Variants in LRRC4C observed in about 807,000 individuals in gnomAD.
LRRC4C encodes leucine-rich repeat-containing protein 4C.
LRRC4C carries 5 observed loss-of-function variants against 33.6 expected under a neutral mutation model. The ratio of observed to expected loss-of-function variants is 0.15; its 90% CI spans 0.08 to 0.31. LRRC4C has a LOEUF of 0.31. Among genes scored for constraint, LRRC4C ranks in the 10% least tolerant of loss-of-function variants. The pLI is 1.00. For synonymous variants in LRRC4C, 329 were observed against 302.0 expected (o/e 1.09, Z -0.93); for missense variants, 560 against 796.7 (o/e 0.70, Z 3.58).
chr11:40,350,119 G>A (rs911368532), intron 3 of LRRC4C, among the ~76,000 whole-genome samples: 6 of 151,934 alleles, frequency 3.9e-5, no homozygotes, highest in African/African-American at 9.7e-5. Flanking sequence ...GTCTGTTTTT[G>A]CTTGGTTGCC....
intron 5 of LRRC4C, among the ~76,000 whole-genome samples, chr11:40,147,506 C>T (rs1395289113): frequency 6.6e-6 from 1 of 151,970 alleles, no homozygotes; most frequent in Non-Finnish European, 1.5e-5. Flanking sequence ...CTTTCTTCTG[C>T]ATTTTTTTCT....
chr11:41,279,256 G>C (rs1230763462), intron 1 of LRRC4C, among the ~76,000 whole-genome samples: 1 of 151,960 alleles, frequency 6.6e-6, no homozygotes. Context: ...AGTGACTAGT[G>C]CTGTGATGAA....
chr11:41,071,360 T>C (rs1011178594), intron 1 of LRRC4C, among the ~76,000 whole-genome samples: 3 of 152,116 alleles, frequency 2.0e-5, no homozygotes, highest in Non-Finnish European at 2.9e-5. Flanking sequence ...GGCCCATGTA[T>C]ACCTATGCTA....
At chr11:41,081,067 C>A (rs1311981941) in intron 1 of LRRC4C, among the ~76,000 whole-genome samples, 1 of 152,096 alleles carries the variant, frequency 6.6e-6, no homozygotes, top group Non-Finnish European at 1.5e-5. Flanking sequence ...AATAGTCAGA[C>A]CCAGAGTTTA....
At chr11:40,931,661 A>ATG (rs56698782) in intron 2 of LRRC4C, among the ~76,000 whole-genome samples, 105 of 150,496 alleles carry the variant, frequency 7.0e-4, no homozygotes, top group African/African-American at 1.1e-3. Context: ...AGGGGTGTGT[A>ATG]TGTGTGTGTG....
At chr11:40,184,613 C>T (rs1024978498) in intron 5 of LRRC4C, among the ~76,000 whole-genome samples, 7 of 152,046 alleles carry the variant, frequency 4.6e-5, no homozygotes, top group African/African-American at 1.2e-4. Flanking sequence ...CTCCGAGTGG[C>T]GAAGTCTATG....
In LRRC4C at chr11:40,753,231, C is replaced by T. The variant is rs771220232; in HGVS notation, c.-406-104953G>A. Reference sequence around the variant, plus strand: ...GAAATTACTTCGAATGCTTTATAGCCGATTAGGGTGACTACAGTTAGCAAT... The same window carrying T: ...GAAATTACTTCGAATGCTTTATAGCTGATTAGGGTGACTACAGTTAGCAAT... On this transcript the variant is annotated intron_variant, in intron 2 of 6. Coordinates refer to ENST00000528697, the MANE Select transcript of LRRC4C (RefSeq NM_001258419.2). 7.3e-5 allele frequency among the ~76,000 whole-genome samples: 11 copies of T among 151,650 alleles called. No homozygotes were observed. In the East Asian group the frequency reaches 9.7e-4, roughly 13 times the overall value.
At chr11:40,685,155 A>T (rs116709113) in intron 2 of LRRC4C, among the ~76,000 whole-genome samples, 1,955 of 152,044 alleles carry the variant, frequency 0.013, 49 homozygotes, top group African/African-American at 0.044. Flanking sequence ...AAAATAAAAC[A>T]CAAGACAGGA....
chr11:40,352,137 TC>T (rs1947431960), intron 3 of LRRC4C, among the ~76,000 whole-genome samples: 2 of 135,038 alleles, frequency 1.5e-5, no homozygotes, highest in South Asian at 2.3e-4. Context: ...CTTCCTTCCT[TC>T]CTTCCTTCCT....
At chr11:40,449,508 T>C (rs562365838) in intron 3 of LRRC4C, among the ~76,000 whole-genome samples, 1 of 152,296 alleles carries the variant, frequency 6.6e-6, no homozygotes, top group East Asian at 1.9e-4. Context: ...GATTACTTCA[T>C]CAAAGCCCTT....
chr11:41,327,028 C>T (rs1277923394), intron 1 of LRRC4C, among the ~76,000 whole-genome samples: 1 of 152,020 alleles, frequency 6.6e-6, no homozygotes, highest in Non-Finnish European at 1.5e-5. Flanking sequence ...GAGCCGAGTC[C>T]AGTAACTATT....
intron 3 of LRRC4C, among the ~76,000 whole-genome samples, chr11:40,639,706 C>T (rs1172616078): frequency 6.6e-6 from 1 of 152,130 alleles, no homozygotes; most frequent in African/African-American, 2.4e-5. Context: ...GTAAATGTGT[C>T]CTGTGAAACA....
At chr11:40,525,997 T>C (rs544590685) in intron 3 of LRRC4C, among the ~76,000 whole-genome samples, 11 of 152,260 alleles carry the variant, frequency 7.2e-5, no homozygotes, top group Non-Finnish European at 1.5e-4. Flanking sequence ...AGGCTTGGTC[T>C]TTTAATAAAC....
intron 1 of LRRC4C, among the ~76,000 whole-genome samples, chr11:41,142,088 C>T (rs1211436551): frequency 1.3e-5 from 2 of 152,006 alleles, no homozygotes; most frequent in Non-Finnish European, 2.9e-5. Flanking sequence ...ATTACAATTA[C>T]AAAAGTCCCA....
At chr11:41,314,506 C>T (rs1950729999) in intron 1 of LRRC4C, among the ~76,000 whole-genome samples, 3 of 152,066 alleles carry the variant, frequency 2.0e-5, no homozygotes, top group South Asian at 2.1e-4. Flanking sequence ...AGACTCAAGA[C>T]TGTAATTAAG....
chr11:40,603,905 T>G (rs1277652579), intron 3 of LRRC4C, among the ~76,000 whole-genome samples: 1 of 152,164 alleles, frequency 6.6e-6, no homozygotes, highest in Non-Finnish European at 1.5e-5. Context: ...GTAGAATAAT[T>G]TAAAATGTTA....
chr11:40,460,857 G>C (rs1260167699), intron 3 of LRRC4C, among the ~76,000 whole-genome samples: 1 of 152,070 alleles, frequency 6.6e-6, no homozygotes, highest in Admixed American at 6.6e-5. Flanking sequence ...AATGTGGAAA[G>C]CCTTCATATA....
At chr11:40,495,825 T>TTTTG (rs1954415324) in intron 3 of LRRC4C, among the ~76,000 whole-genome samples, 1 of 42,716 alleles carries the variant, frequency 2.3e-5, no homozygotes, top group Non-Finnish European at 4.6e-5. Context: ...TTTTTTTTTT[T>TTTTG]TTTTTTTTTT....
chr11:41,370,055 G>C (rs867144850), intron 1 of LRRC4C, among the ~76,000 whole-genome samples: 1 of 152,112 alleles, frequency 6.6e-6, no homozygotes, highest in African/African-American at 2.4e-5. Context: ...AAACGGAAAA[G>C]CATTTCCTTA....
Sources: gnomAD v4.1 joint callset for allele counts (sites outside exome capture counted in the v4.1 genomes callset) on GRCh38, gnomAD v4.1.1 for gene constraint, MANE v1.5 for transcripts, NCBI Gene and HGNC (gene_info 2026-07-23, HGNC 2026-07-21) for gene names.